The following DPP10 variants were observed in gnomAD, a reference collection of about 807,000 sequenced individuals.
The protein encoded by DPP10 is inactive dipeptidyl peptidase 10.
A neutral mutation model predicts 120.9 loss-of-function variants in DPP10; 33 were observed. The observed-to-expected ratio is 0.27, with a 90% CI of 0.21 to 0.37. The LOEUF (loss-of-function observed/expected upper bound fraction) is 0.37. Ranked by LOEUF, DPP10 falls within the 10% of genes least tolerant of loss-of-function variation. The probability of loss-of-function intolerance (pLI) is 1.00; values close to 1 mark genes in which losing one functional copy is unlikely to be tolerated. For synonymous variants in DPP10, 337 were observed against 326.1 expected (o/e 1.03, Z -0.36); for missense variants, 816 against 942.8 (o/e 0.87, Z 1.76).
At chr2:115,735,565 A>C (rs1454574460) in intron 8 of DPP10, among the ~76,000 whole-genome samples, 3 of 151,348 alleles carry the variant, frequency 2.0e-5, no homozygotes, top group African/African-American at 4.9e-5. Context: ...CTGTTGCCCA[A>C]GCTGGAGTGC....
At chr2:115,507,830 G>A (rs1382634594) in intron 4 of DPP10, among the ~76,000 whole-genome samples, 1 of 152,098 alleles carries the variant, frequency 6.6e-6, no homozygotes, top group Non-Finnish European at 1.5e-5. Flanking sequence ...CATTCTGAAG[G>A]CTATTGCAGT....
At chr2:115,671,843 ATTTT>A (rs2089901130) in intron 5 of DPP10, among the ~76,000 whole-genome samples, 1 of 152,102 alleles carries the variant, frequency 6.6e-6, no homozygotes, top group Non-Finnish European at 1.5e-5. Flanking sequence ...CTTTGTGAGA[ATTTT>A]TATTCAGCAT....
chr2:114,553,208 T>C (rs1688026708), intron 1 of DPP10, among the ~76,000 whole-genome samples: 1 of 152,230 alleles, frequency 6.6e-6, no homozygotes, highest in Non-Finnish European at 1.5e-5. Context: ...CGGTCTGCCT[T>C]ATGTGGCATT....
At chr2:114,751,658 G>A (rs769585953) in intron 1 of DPP10, among the ~76,000 whole-genome samples, 5 of 152,190 alleles carry the variant, frequency 3.3e-5, no homozygotes, top group Non-Finnish European at 7.3e-5. Context: ...GAAGGTTAAC[G>A]AGGGCAGAGC....
At chr2:114,467,825 C>A (rs1679540053) in intron 1 of DPP10, among the ~76,000 whole-genome samples, 2 of 150,464 alleles carry the variant, frequency 1.3e-5, no homozygotes, top group South Asian at 4.3e-4. Flanking sequence ...ACAGAGAGAC[C>A]CCATCTCTAC....
chr2:115,382,773 C>G (rs1400662), intron 3 of DPP10, among the ~76,000 whole-genome samples: 1 of 151,534 alleles, frequency 6.6e-6, no homozygotes, highest in Non-Finnish European at 1.5e-5. Context: ...TTTGTTCCCA[C>G]CATTCAATTA....
chr2:114,988,195 T>C (rs1310257553), intron 1 of DPP10, among the ~76,000 whole-genome samples: 1 of 152,224 alleles, frequency 6.6e-6, no homozygotes. Flanking sequence ...CCAAATTTTA[T>C]GTACCCAAGA....
intron 1 of DPP10, among the ~76,000 whole-genome samples, chr2:114,865,299 G>A (rs1482432500): frequency 3.3e-5 from 5 of 152,186 alleles, no homozygotes; most frequent in Non-Finnish European, 7.4e-5. Flanking sequence ...TGACAGTTAT[G>A]TAAAAATCTC....
At chr2:114,648,263 T>C (rs1024962505) in intron 1 of DPP10, among the ~76,000 whole-genome samples, 3 of 152,200 alleles carry the variant, frequency 2.0e-5, no homozygotes, top group African/African-American at 7.2e-5. Context: ...GTTCATTGTC[T>C]CTGATCCAGG....
At chr2:114,505,341 G>A (rs1324882477) in intron 1 of DPP10, among the ~76,000 whole-genome samples, 1 of 152,006 alleles carries the variant, frequency 6.6e-6, no homozygotes, top group South Asian at 2.1e-4. Context: ...GAAGATAAAG[G>A]TTATTTTAGC....
intron 1 of DPP10, among the ~76,000 whole-genome samples, chr2:115,227,898 G>T (rs1263526510): frequency 6.8e-6 from 1 of 147,542 alleles, no homozygotes; most frequent in East Asian, 2.0e-4. Flanking sequence ...ATATATTTAT[G>T]AGATACATCC....
chr2:115,352,816 T>C (rs1204237961), intron 3 of DPP10, among the ~76,000 whole-genome samples: 1 of 152,110 alleles, frequency 6.6e-6, no homozygotes, highest in Non-Finnish European at 1.5e-5. Flanking sequence ...GATGAAGTTT[T>C]ATTAACCTTC....
At chr2:115,597,797 G>C (rs1003555044) in intron 5 of DPP10, among the ~76,000 whole-genome samples, 14 of 151,888 alleles carry the variant, frequency 9.2e-5, no homozygotes, top group African/African-American at 2.9e-4. Flanking sequence ...ATAAGATCTA[G>C]AAATATCAAA....
intron 1 of DPP10, among the ~76,000 whole-genome samples, chr2:114,730,976 T>C (rs922879970): frequency 6.6e-6 from 1 of 151,284 alleles, no homozygotes; most frequent in African/African-American, 2.4e-5. Flanking sequence ...GATCCACACA[T>C]AGCCTTGGCA....
intron 1 of DPP10, among the ~76,000 whole-genome samples, chr2:114,863,776 A>G (rs990890767): frequency 6.6e-6 from 1 of 152,216 alleles, no homozygotes; most frequent in Non-Finnish European, 1.5e-5. Context: ...TTAAAAGAAG[A>G]AAATAGTATT....
chr2:115,373,882 C>T (rs1325015201), intron 3 of DPP10, among the ~76,000 whole-genome samples: 3 of 75,234 alleles, frequency 4.0e-5, no homozygotes, highest in Non-Finnish European at 9.4e-5. Flanking sequence ...CATAGCCAAG[C>T]AGAAGAGAGA....
At chr2:115,060,553 C>T (rs1394860939) in intron 1 of DPP10, among the ~76,000 whole-genome samples, 1 of 152,150 alleles carries the variant, frequency 6.6e-6, no homozygotes, top group African/African-American at 2.4e-5. Flanking sequence ...GACTGTGCCA[C>T]TGCATTCCAA....
At chr2:115,270,164 G>T (rs2059637760) in intron 1 of DPP10, among the ~76,000 whole-genome samples, 1 of 150,516 alleles carries the variant, frequency 6.6e-6, no homozygotes, top group Non-Finnish European at 1.5e-5. Flanking sequence ...AGTCACCTTT[G>T]CAGCTCTTGT....
chr2:115,295,942 CAG>C (rs1461825206), intron 1 of DPP10, among the ~76,000 whole-genome samples: 3 of 152,008 alleles, frequency 2.0e-5, no homozygotes, highest in South Asian at 4.1e-4. Flanking sequence ...TTGATTTTGT[CAG>C]AGTTAATAAG....
Sources: allele counts gnomAD v4.1 joint callset (sites outside exome capture counted in the v4.1 genomes callset), GRCh38; gene constraint gnomAD v4.1.1; transcripts MANE v1.5; gene names NCBI Gene and HGNC (gene_info 2026-07-23, HGNC 2026-07-21).